The following WWOX variants were observed in gnomAD, a reference collection of about 807,000 sequenced individuals.
WWOX encodes WW domain-containing oxidoreductase.
A neutral mutation model predicts 46.2 loss-of-function variants in WWOX; 69 were observed. The ratio of observed to expected loss-of-function variants is 1.49; its 90% CI spans 1.23 to 1.82. The LOEUF (loss-of-function observed/expected upper bound fraction) is 1.82. WWOX is among the 40% of genes most tolerant of loss of function. The pLI is 0.00. For synonymous variants in WWOX, 359 were observed against 202.6 expected (o/e 1.77, Z -6.56); for missense variants, 919 against 542.6 (o/e 1.69, Z -6.89).
At chr16:78,161,859 A>G (rs940595733) in intron 4 of WWOX, among the ~76,000 whole-genome samples, 1 of 152,122 alleles carries the variant, frequency 6.6e-6, no homozygotes, top group African/African-American at 2.4e-5. Context: ...GTATTATATC[A>G]CTTCCTGGAG....
At chr16:78,544,123 A>G (rs552840472) in intron 8 of WWOX, among the ~76,000 whole-genome samples, 1 of 152,300 alleles carries the variant, frequency 6.6e-6, no homozygotes, top group East Asian at 1.9e-4. Flanking sequence ...ATTTACTTGC[A>G]TATATTGGCC....
chr16:78,840,157 C>A (rs2052099480), intron 8 of WWOX, among the ~76,000 whole-genome samples: 1 of 152,162 alleles, frequency 6.6e-6, no homozygotes, highest in Admixed American at 6.5e-5. Context: ...TGGACATTGC[C>A]TCCCAGTTGA....
chr16:78,507,992 G>T (rs1338970278), intron 8 of WWOX, among the ~76,000 whole-genome samples: 1 of 26,034 alleles, frequency 3.8e-5, no homozygotes, highest in Non-Finnish European at 1.9e-4. Context: ...ATTTTTGGTT[G>T]CGTGCGTGTG....
intron 8 of WWOX, among the ~76,000 whole-genome samples, chr16:79,103,410 G>A (rs2049242569): frequency 1.3e-5 from 2 of 152,192 alleles, no homozygotes. Context: ...CGCATTAGTG[G>A]GAAATGTTTA....
chr16:78,451,057 A>G (rs2083679126), intron 8 of WWOX, among the ~76,000 whole-genome samples: 1 of 152,172 alleles, frequency 6.6e-6, no homozygotes, highest in African/African-American at 2.4e-5. Context: ...CTTTCCCGTT[A>G]TACTTAAGCT....
At chr16:78,874,769 C>A (rs1230639104) in intron 8 of WWOX, among the ~76,000 whole-genome samples, 1 of 139,724 alleles carries the variant, frequency 7.2e-6, no homozygotes, top group African/African-American at 2.7e-5. Context: ...TCAACTGTTC[C>A]AAGCATAACC....
At chr16:78,718,275 G>T (rs2142344780) in intron 8 of WWOX, among the ~76,000 whole-genome samples, 1 of 150,734 alleles carries the variant, frequency 6.6e-6, no homozygotes, top group Non-Finnish European at 1.5e-5. Context: ...GCATTTCCAT[G>T]TTAAGAGAAA....
chr16:78,516,926 C>T (rs753425587), intron 8 of WWOX, among the ~76,000 whole-genome samples: 58 of 152,074 alleles, frequency 3.8e-4, no homozygotes, highest in Non-Finnish European at 7.2e-4. Flanking sequence ...TTGGTGTTAC[C>T]TCATGTCTGT....
intron 8 of WWOX, among the ~76,000 whole-genome samples, chr16:78,690,319 G>C (rs1288532621): frequency 6.6e-6 from 1 of 152,170 alleles, no homozygotes; most frequent in Admixed American, 6.5e-5. Context: ...GGAAGGCTGA[G>C]TCAGAACGAT....
chr16:78,335,732 GAGAC>G (rs1334172579), intron 5 of WWOX, among the ~76,000 whole-genome samples: 1 of 152,156 alleles, frequency 6.6e-6, no homozygotes, highest in African/African-American at 2.4e-5. Flanking sequence ...ATGTGATTCT[GAGAC>G]AGACTCATGT....
intron 8 of WWOX, among the ~76,000 whole-genome samples, chr16:78,437,417 C>A (rs7204919): frequency 2.6e-5 from 4 of 152,198 alleles, no homozygotes; most frequent in East Asian, 1.9e-4. Flanking sequence ...TTTACAGTTA[C>A]ACATTTCTAA....
intron 8 of WWOX, among the ~76,000 whole-genome samples, chr16:78,545,025 GAGAA>G (rs111263107): frequency 6.6e-5 from 10 of 152,208 alleles, no homozygotes; most frequent in Non-Finnish European, 8.8e-5. Flanking sequence ...AAGAGAGAGA[GAGAA>G]AGAAAGAGAG....
intron 8 of WWOX, among the ~76,000 whole-genome samples, chr16:78,595,819 C>G (rs982781930): frequency 1.3e-5 from 2 of 152,230 alleles, no homozygotes; most frequent in African/African-American, 2.4e-5. Flanking sequence ...GCTTTTTGAA[C>G]TGTTCTGAAA....
intron 8 of WWOX, among the ~76,000 whole-genome samples, chr16:78,694,974 C>G (rs1189327907): frequency 1.3e-5 from 2 of 152,102 alleles, no homozygotes; most frequent in African/African-American, 2.4e-5. Context: ...CTTAGAAGCC[C>G]CAGTCTATTC....
At chr16:78,797,104 G>A (rs1042405449) in intron 8 of WWOX, among the ~76,000 whole-genome samples, 1 of 152,040 alleles carries the variant, frequency 6.6e-6, no homozygotes, top group African/African-American at 2.4e-5. Context: ...GGGGTTGCAG[G>A]CGTGAGCCAC....
chr16:78,467,807 G>A (rs1424328196), intron 8 of WWOX, among the ~76,000 whole-genome samples: 1 of 152,106 alleles, frequency 6.6e-6, no homozygotes. Context: ...TTAGAATTTG[G>A]AAGAACATAC....
At chr16:78,127,505 A>G (rs2033410145) in intron 4 of WWOX, among the ~76,000 whole-genome samples, 1 of 140,034 alleles carries the variant, frequency 7.1e-6, no homozygotes, top group South Asian at 2.4e-4. Context: ...TCCAGAAAAG[A>G]ATAATCAACG....
intron 8 of WWOX, among the ~76,000 whole-genome samples, chr16:78,782,426 G>C (rs145841553): frequency 4.6e-4 from 70 of 152,158 alleles, no homozygotes; most frequent in African/African-American, 1.6e-3. Flanking sequence ...TCTTATGCTG[G>C]GGCAACGCTA....
At chr16:78,667,329 T>A (rs992456366) in intron 8 of WWOX, among the ~76,000 whole-genome samples, 5 of 152,188 alleles carry the variant, frequency 3.3e-5, no homozygotes, top group African/African-American at 1.2e-4. Context: ...ATTGAATGGG[T>A]TATCTCAATA....
Sources: allele counts gnomAD v4.1 joint callset (sites outside exome capture counted in the v4.1 genomes callset), GRCh38; gene constraint gnomAD v4.1.1; transcripts MANE v1.5; gene names NCBI Gene and HGNC (gene_info 2026-07-23, HGNC 2026-07-21).